GTF3C1: variants seen among roughly 807,000 people sequenced by gnomAD.
The protein encoded by GTF3C1 is general transcription factor IIIC subunit 1.
A neutral mutation model predicts 226.7 loss-of-function variants in GTF3C1; 57 were observed. That is an observed-to-expected ratio of 0.25 (90% CI 0.20 to 0.31). The LOEUF (loss-of-function observed/expected upper bound fraction) is 0.31. Among genes scored for constraint, GTF3C1 ranks in the 10% least tolerant of loss-of-function variants. The pLI, the probability that GTF3C1 is intolerant of heterozygous loss-of-function variation, is 1.00. For missense variants in GTF3C1, 2,217 were observed against 2,776.1 expected (o/e 0.80, Z 4.53); for synonymous variants, 1,090 against 1,084.8 (o/e 1.00, Z -0.09).
intron 24 of GTF3C1, 126 bp downstream of exon 24, chr16:27,485,871 C>T: frequency 1.7e-6 from 1 of 601,528 alleles, no homozygotes; most frequent in South Asian, 2.1e-5. Context: ...CTGGGCAATG[C>T]TTTTCCCAGT....
intron 29 of GTF3C1, 90 bp from the exon 30 acceptor site, chr16:27,472,010 C>G (rs1363890358): frequency 8.7e-7 from 1 of 1,152,204 alleles, no homozygotes; most frequent in Non-Finnish European, 1.3e-6. Flanking sequence ...GCGGCTGATG[C>G]TTTATAGAGG....
At chr16:27,533,226 G>T in intron 5 of GTF3C1, 65 bp downstream of exon 5, 1 of 786,150 alleles carries the variant, frequency 1.3e-6, no homozygotes, top group Non-Finnish European at 2.3e-6. Flanking sequence ...CTCTATGCCT[G>T]ACAAGACCTC....
chr16:27,461,496 A>G lies in GTF3C1; in HGVS notation c.6184T>C (p.Ser2062Pro), dbSNP rs747299552. Residue 2062 changes from serine (S) to proline (P), a missense_variant, in exon 37 of 37, where the codon TCT becomes CCT. Physicochemically the swap from Ser to Pro is moderately conservative, Grantham distance 74. Transcript: ENST00000356183. The surrounding 1 kb of genome is among the most constrained non-coding windows in gnomAD (Gnocchi z 5.3). ...TCCACCTCTTCCACCACGGGTGTAG[A>G]GAAGAGCGAGACAGGCCTTGGCTTT... ...LRKPRPVSLF[S>P]TPVVEEVEVP... 21 of 1,613,982 alleles carry G rather than the reference A, an allele frequency of 1.3e-5. No homozygotes were observed. The highest frequency in any genetic ancestry group is 1.8e-5 in the Non-Finnish European group (21 of 1,179,940).
At chr16:27,543,212 C>T (rs886470938) in intron 2 of GTF3C1, among the ~76,000 whole-genome samples, 13 of 152,206 alleles carry the variant, frequency 8.5e-5, no homozygotes, top group South Asian at 4.1e-4. Flanking sequence ...ATGGTGAAAC[C>T]GAGTCTCTAC....
intron 3 of GTF3C1, 21 bp from the exon 4 acceptor site, chr16:27,537,948 T>A: frequency 1.9e-6 from 3 of 1,611,248 alleles, no homozygotes; most frequent in Non-Finnish European, 2.5e-6. Context: ...AGAGGAGCCA[T>A]GTCATTTGCT....
chr16:27,461,285 C>A lies in GTF3C1; in HGVS notation c.*65G>T. 9.2e-7 allele frequency: 1 copy of A among 1,086,162 alleles called. No homozygotes were observed. The highest frequency in any genetic ancestry group is 1.4e-6 in the Non-Finnish European group (1 of 730,838). The allele number at this position is 1,086,162 out of a possible 1,614,324, so 67.3% of individuals were successfully genotyped here. On this transcript the variant is annotated 3_prime_UTR_variant, in exon 37 of 37. Transcript: ENST00000356183. The surrounding 1 kb of genome is among the most constrained non-coding windows in gnomAD (Gnocchi z 5.3). ...CAAGGCCAGGGCACAGTGGGGTCTGCCGAGCACCAGGCAGGAGTGGTGTGG... is the reference window on the plus strand; with the variant it reads ...CAAGGCCAGGGCACAGTGGGGTCTGACGAGCACCAGGCAGGAGTGGTGTGG...
chr16:27,498,677 G>T lies in GTF3C1; in HGVS notation c.2118C>A (p.Ala706=). ...MDQNDPLVRS[A]IEQVRFRISN... ...AGATCCGGAAGCGGACCTGCTCGAT[G>T]GCACTTCTCACTAGAGGGTCGTTCT... Residue 706 remains alanine (A), a synonymous_variant, in exon 13 of 37, where the codon GCC becomes GCA. Coordinates refer to ENST00000356183, the MANE Select transcript of GTF3C1 (RefSeq NM_001520.4). 6.2e-7 allele frequency: 1 copy of T among 1,608,066 alleles called. No homozygotes were observed. The highest frequency in any genetic ancestry group is 1.1e-5 in the South Asian group (1 of 90,968).
intron 7 of GTF3C1, among the ~76,000 whole-genome samples, chr16:27,511,239 C>T (rs1486707962): frequency 6.6e-6 from 1 of 152,176 alleles, no homozygotes; most frequent in African/African-American, 2.4e-5. Flanking sequence ...CAGAGGAAGG[C>T]GAACTTGCCC....
intron 7 of GTF3C1, among the ~76,000 whole-genome samples, chr16:27,509,942 G>C (rs571322865): frequency 6.6e-6 from 1 of 152,054 alleles, no homozygotes; most frequent in Non-Finnish European, 1.5e-5. Flanking sequence ...CTAGCAACAC[G>C]CTAAAAAGTA....
chr16:27,506,106 T>C lies in GTF3C1; in HGVS notation c.1563A>G (p.Lys521=). The part of the protein sequence containing the change: ...HHSTPTKGGW[K]VVNLHPLKKQ... ...TTTTCAATGGGTGTAGGTTTACAAC[T>C]TTCCACCCACCTGTGGTGGAGGGAA... is the stretch of plus-strand genomic sequence containing the variant. Residue 521 remains lysine, a synonymous_variant, in exon 10 of 37, where the codon AAA becomes AAG. Transcript: ENST00000356183. The C allele has an allele frequency of 6.2e-7, 1 of 1,604,338 alleles. No homozygotes were observed. The highest frequency in any genetic ancestry group is 1.3e-5 in the African/African-American group (1 of 74,846).
rs200121882 is a variant in GTF3C1 at position 27,528,704 on chromosome 16, C to T, written c.867G>A (p.Thr289=). 4.3e-5 allele frequency: 69 copies of T among 1,613,756 alleles called. No individual in the cohort carries two copies. The highest frequency in any genetic ancestry group is 5.2e-5 in the Non-Finnish European group (61 of 1,179,628). The change falls in exon 6 of 37, where the codon ACG becomes ACA. Residue 289 remains threonine (T), a synonymous_variant. Transcript: ENST00000356183. ...LREELGLCER[T]FKRLYQYMLN... is the part of the protein sequence containing the mutation. ...GCATATACTGGTACAGACGCTTAAACGTCCTTTCGCACAGCCCCTGCCAAA... is the reference window on the plus strand; with the variant it reads ...GCATATACTGGTACAGACGCTTAAATGTCCTTTCGCACAGCCCCTGCCAAA...
At chr16:27,521,615 G>A (rs2088751785) in intron 6 of GTF3C1, among the ~76,000 whole-genome samples, 1 of 152,268 alleles carries the variant, frequency 6.6e-6, no homozygotes, top group Non-Finnish European at 1.5e-5. Context: ...CTCAGCAGAA[G>A]TTACTCAGCC....
chr16:27,476,387 C>T (rs1279218884), intron 29 of GTF3C1, 64 bp downstream of exon 29: 105 of 1,018,594 alleles, frequency 1.0e-4, no homozygotes, highest in Non-Finnish European at 1.5e-5. Context: ...GGGGCCAGCA[C>T]CTCACGAGCC....
In GTF3C1 at chr16:27,470,695, C is replaced by T; in HGVS notation, c.4527-300G>A. 1 of 406,106 alleles carries T rather than the reference C, an allele frequency of 2.5e-6. No individual in the cohort carries two copies. The highest frequency in any genetic ancestry group is 4.0e-5 in the Admixed American group (1 of 24,754). 25.2% of individuals were successfully genotyped at this position (406,106 alleles called of 1,614,324 possible). On this transcript the variant is annotated intron_variant, in intron 30 of 36. Transcript: ENST00000356183. The surrounding 1 kb of genome is among the most constrained non-coding windows in gnomAD (Gnocchi z 4.9). Reference sequence around the variant, plus strand: ...CTGGCAGGCTCACCTTACAGGGGCTCACTGTACACAGCTGCTGAACTAGGG... The same window carrying T: ...CTGGCAGGCTCACCTTACAGGGGCTTACTGTACACAGCTGCTGAACTAGGG...
chr16:27,474,425 G>C (rs1482437776), intron 29 of GTF3C1, among the ~76,000 whole-genome samples: 1 of 152,122 alleles, frequency 6.6e-6, no homozygotes, highest in Non-Finnish European at 1.5e-5. Context: ...GTTGGGGCTG[G>C]GCTTTCTTGT....
chr16:27,480,272 T>C (rs573094446), intron 27 of GTF3C1, among the ~76,000 whole-genome samples: 62 of 145,222 alleles, frequency 4.3e-4, no homozygotes, highest in Admixed American at 2.0e-3. Flanking sequence ...AAATTACAAA[T>C]CAGTAAACAG....
chr16:27,540,624 C>CA, intron 2 of GTF3C1, among the ~76,000 whole-genome samples: 1 of 152,136 alleles, frequency 6.6e-6, no homozygotes, highest in East Asian at 1.9e-4. Context: ...GATACCAAGA[C>CA]AAATAAAAAT....
intron 29 of GTF3C1, among the ~76,000 whole-genome samples, chr16:27,472,181 G>A (rs888243596): frequency 6.6e-6 from 1 of 152,148 alleles, no homozygotes; most frequent in African/African-American, 2.4e-5. Flanking sequence ...GGGAACTGAC[G>A]AGACAGGGGG....
intron 16 of GTF3C1, among the ~76,000 whole-genome samples, chr16:27,494,267 G>T (rs959422822): frequency 2.6e-5 from 4 of 151,952 alleles, no homozygotes; most frequent in Non-Finnish European, 4.4e-5. Context: ...CTGGCGTGGT[G>T]GTGGGTGCCT....
Sources: allele counts gnomAD v4.1 joint callset (sites outside exome capture counted in the v4.1 genomes callset), GRCh38; gene constraint gnomAD v4.1.1; non-coding constraint Gnocchi (gnomAD v3.1); transcripts MANE v1.5; gene names NCBI Gene and HGNC (gene_info 2026-07-23, HGNC 2026-07-21).